Variants in CDH12 observed in about 807,000 individuals in gnomAD.
CDH12 encodes cadherin-12.
CDH12 carries 41 observed loss-of-function variants against 74.1 expected under a neutral mutation model. That is an observed-to-expected ratio of 0.55 (90% CI 0.43 to 0.72). The LOEUF is 0.72. Among genes scored for constraint, CDH12 ranks in the 30% least tolerant of loss-of-function variants. The pLI is 0.00. For missense variants in CDH12, 945 were observed against 977.2 expected (o/e 0.97, Z 0.44); for synonymous variants, 399 against 355.0 (o/e 1.12, Z -1.39).
chr5:21,824,000 CTA>C, intron 8 of CDH12, among the ~76,000 whole-genome samples: 1 of 152,028 alleles, frequency 6.6e-6, no homozygotes, highest in East Asian at 1.9e-4. Flanking sequence ...AATAATAATC[CTA>C]TGTTCACTTT....
intron 3 of CDH12, among the ~76,000 whole-genome samples, chr5:22,261,021 T>C (rs754109353): frequency 7.9e-5 from 12 of 151,448 alleles, no homozygotes; most frequent in Non-Finnish European, 1.5e-4. Flanking sequence ...AATATGTGTA[T>C]ATATACATAC....
intron 10 of CDH12, among the ~76,000 whole-genome samples, chr5:21,784,693 G>A (rs1021926176): frequency 2.0e-5 from 3 of 152,140 alleles, no homozygotes; most frequent in African/African-American, 7.2e-5. Context: ...TTGTTAGTCA[G>A]CCCTTGGAAT....
At chr5:22,698,111 T>A (rs975790213) in intron 1 of CDH12, among the ~76,000 whole-genome samples, 2 of 137,710 alleles carry the variant, frequency 1.5e-5, no homozygotes, top group East Asian at 2.1e-4. Flanking sequence ...AATGCCCGCA[T>A]AAAGGCAGGG....
At chr5:22,170,997 G>A (rs1025217179) in intron 4 of CDH12, among the ~76,000 whole-genome samples, 1 of 151,836 alleles carries the variant, frequency 6.6e-6, no homozygotes, top group African/African-American at 2.4e-5. Flanking sequence ...AATAGGTGCT[G>A]TCAGAGGTCC....
chr5:22,306,076 C>A (rs919649555), intron 3 of CDH12, among the ~76,000 whole-genome samples: 5 of 152,170 alleles, frequency 3.3e-5, no homozygotes, highest in African/African-American at 1.2e-4. Flanking sequence ...GTGCCATGCT[C>A]TTTAATGTCT....
At chr5:22,725,337 C>T (rs1010897892) in intron 1 of CDH12, among the ~76,000 whole-genome samples, 2 of 151,790 alleles carry the variant, frequency 1.3e-5, no homozygotes, top group African/African-American at 4.8e-5. Flanking sequence ...CCATATTTTT[C>T]CCCTATGGGG....
intron 1 of CDH12, among the ~76,000 whole-genome samples, chr5:22,645,359 A>G (rs1412531020): frequency 6.6e-6 from 1 of 152,096 alleles, no homozygotes; most frequent in Non-Finnish European, 1.5e-5. Flanking sequence ...GTAACTGCAG[A>G]TGTGGTAGAA....
chr5:21,903,439 T>C (rs1023080086), intron 6 of CDH12, among the ~76,000 whole-genome samples: 1 of 152,144 alleles, frequency 6.6e-6, no homozygotes, highest in South Asian at 2.1e-4. Flanking sequence ...TAGGGGACTG[T>C]CTTCAACTCC....
chr5:22,165,337 G>A (rs1748618977), intron 4 of CDH12, among the ~76,000 whole-genome samples: 1 of 152,126 alleles, frequency 6.6e-6, no homozygotes, highest in Admixed American at 6.5e-5. Context: ...GGATTTGTTA[G>A]GAGTGTTCCT....
In CDH12 at chr5:22,264,351, G is replaced by A. The variant is rs113689506; in HGVS notation, c.-332-51708C>T. Among the ~76,000 whole-genome samples, 1,116 of 152,124 alleles carry A rather than the reference G, an allele frequency of 7.3e-3. 15 individuals are homozygous for A. In the South Asian group the frequency reaches 0.076, roughly 10 times the overall value. ...ATTCCTTTGAAAAATCATTTGTAAA[G>A]TTAAACATTTTTTAAATGTTTGAAT... On this transcript the variant is annotated intron_variant, in intron 3 of 14. Coordinates refer to ENST00000382254, the MANE Select transcript of CDH12 (RefSeq NM_004061.5).
At chr5:21,885,480 C>T (rs1752578549) in intron 6 of CDH12, among the ~76,000 whole-genome samples, 1 of 152,262 alleles carries the variant, frequency 6.6e-6, no homozygotes, top group South Asian at 2.1e-4. Flanking sequence ...AAATGGTTCA[C>T]TCTTTCAATA....
intron 7 of CDH12, among the ~76,000 whole-genome samples, chr5:21,849,684 G>T (rs533053856): frequency 8.2e-4 from 124 of 151,782 alleles, no homozygotes; most frequent in African/African-American, 2.8e-3. Flanking sequence ...AAAGAAAGAA[G>T]ATATAATTTA....
intron 3 of CDH12, among the ~76,000 whole-genome samples, chr5:22,284,182 G>GTTCTTC (rs1737037546): frequency 6.6e-6 from 1 of 152,048 alleles, no homozygotes; most frequent in Non-Finnish European, 1.5e-5. Context: ...AAGAACTGCA[G>GTTCTTC]AATTTATCTT....
At chr5:22,473,858 CA>C (rs1746062955) in intron 2 of CDH12, among the ~76,000 whole-genome samples, 1 of 152,090 alleles carries the variant, frequency 6.6e-6, no homozygotes, top group Non-Finnish European at 1.5e-5. Context: ...GTCTCCTTCT[CA>C]ATAACATTAT....
At chr5:21,930,888 C>A (rs1301450551) in intron 6 of CDH12, among the ~76,000 whole-genome samples, 1 of 152,042 alleles carries the variant, frequency 6.6e-6, no homozygotes, top group Non-Finnish European at 1.5e-5. Context: ...CTCAAATGAG[C>A]TGTATTTAGT....
chr5:22,175,555 AT>A (rs1749284140), intron 4 of CDH12, among the ~76,000 whole-genome samples: 1 of 151,698 alleles, frequency 6.6e-6, no homozygotes, highest in African/African-American at 2.4e-5. Flanking sequence ...GGAAATGTAA[AT>A]TTTTTATAAC....
At chr5:22,428,120 A>G (rs1204664083) in intron 2 of CDH12, among the ~76,000 whole-genome samples, 4 of 152,082 alleles carry the variant, frequency 2.6e-5, no homozygotes, top group African/African-American at 9.7e-5. Context: ...TTTGAGCCCA[A>G]TTCTGAAAGG....
chr5:21,802,461 T>G, intron 9 of CDH12, 41 bp from the exon 10 acceptor site: 1 of 1,531,580 alleles, frequency 6.5e-7, no homozygotes, highest in Non-Finnish European at 9.0e-7. Flanking sequence ...TAAATTTATA[T>G]AGAATGTGGC....
rs1320984232 is a variant in CDH12, at chr5:22,078,816, CT to C, written c.-141del. ...AGAAATGATGATGCAGGCATTAATC[CT>C]TTTGATGAAAAGGCTTCTGCTGTAT... On this transcript the variant is annotated 5_prime_UTR_variant, in exon 5 of 15. An upstream open reading frame in the 5' UTR gains an earlier in-frame stop. Transcript: ENST00000382254. The C allele has an allele frequency of 1.4e-6, 2 of 1,437,112 alleles. No individual in the cohort carries two copies. The highest frequency in any genetic ancestry group is 1.8e-6 in the Non-Finnish European group (2 of 1,099,888). 89.0% of individuals were successfully genotyped at this position (1,437,112 alleles called of 1,614,324 possible).
Sources: gnomAD v4.1 joint callset for allele counts (sites outside exome capture counted in the v4.1 genomes callset) on GRCh38, gnomAD v4.1.1 for gene constraint, MANE v1.5 for transcripts, NCBI Gene and HGNC (gene_info 2026-07-23, HGNC 2026-07-21) for gene names.